EXT1: variants seen among roughly 807,000 people sequenced by gnomAD.
EXT1 encodes exostosin-1.
In EXT1, 20 loss-of-function variants were observed where a neutral mutation model predicts 82.5. That is an observed-to-expected ratio of 0.24 (90% CI 0.17 to 0.35). The LOEUF (loss-of-function observed/expected upper bound fraction) is 0.35, where lower values mean the gene tolerates loss of function less well. Among genes scored for constraint, EXT1 ranks in the 10% least tolerant of loss-of-function variants. The pLI, the probability that EXT1 is intolerant of heterozygous loss-of-function variation, is 1.00. For missense variants in EXT1, 757 were observed against 936.5 expected, an observed-to-expected ratio of 0.81 and a Z score of 2.50; for synonymous variants, 348 against 350.8, an observed-to-expected ratio of 0.99 and a Z score of 0.09.
At chr8:117,850,923 C>G (rs1480034432) in intron 1 of EXT1, among the ~76,000 whole-genome samples, 1 of 152,030 alleles carries the variant, frequency 6.6e-6, no homozygotes, top group Non-Finnish European at 1.5e-5. Flanking sequence ...ACCAAATGGT[C>G]ATATATCCAA....
chr8:118,001,185 T>C (rs1401234898), intron 1 of EXT1, among the ~76,000 whole-genome samples: 3 of 152,040 alleles, frequency 2.0e-5, no homozygotes, highest in Non-Finnish European at 4.4e-5. Flanking sequence ...ACCCTGTCAT[T>C]TTTTGTTTGT....
intron 1 of EXT1, among the ~76,000 whole-genome samples, chr8:117,962,257 G>A (rs1258901621): frequency 1.3e-5 from 2 of 152,128 alleles, no homozygotes; most frequent in African/African-American, 2.4e-5. Flanking sequence ...ATGAATCTAT[G>A]CTATGAAAAG....
chr8:117,936,867 T>G lies in EXT1; in HGVS notation c.963-99666A>C, dbSNP rs1432428471. On this transcript the variant is annotated intron_variant, in intron 1 of 10. Transcript: ENST00000378204. Reference sequence around the variant, plus strand: ...TCCAGCCTGGGCAACAGAGTGAGACTCCATCTCAAAAAATAAATAAATAAA... The same window carrying G: ...TCCAGCCTGGGCAACAGAGTGAGACGCCATCTCAAAAAATAAATAAATAAA... Among the ~76,000 whole-genome samples, 4 of 152,188 alleles carry G rather than the reference T, an allele frequency of 2.6e-5. No individual in the cohort carries two copies. In the East Asian group the frequency reaches 7.7e-4, roughly 29 times the overall value.
chr8:118,102,507 G>A (rs1315323523), intron 1 of EXT1, among the ~76,000 whole-genome samples: 2 of 152,180 alleles, frequency 1.3e-5, no homozygotes. Flanking sequence ...TAAGGTGAAT[G>A]GGTAGGAGTT....
At chr8:117,837,564 C>T (rs1812207526) in intron 1 of EXT1, among the ~76,000 whole-genome samples, 1 of 151,992 alleles carries the variant, frequency 6.6e-6, no homozygotes, top group Non-Finnish European at 1.5e-5. Context: ...ATTACTGGTG[C>T]TTCTCCTTCT....
At chr8:117,889,532 G>A (rs1022223155) in intron 1 of EXT1, among the ~76,000 whole-genome samples, 1 of 152,122 alleles carries the variant, frequency 6.6e-6, no homozygotes, top group African/African-American at 2.4e-5. Flanking sequence ...ACAGAGCCTG[G>A]ATCAGGGGAG....
intron 1 of EXT1, among the ~76,000 whole-genome samples, chr8:118,057,106 TA>T (rs1241869853): frequency 6.6e-6 from 1 of 152,190 alleles, no homozygotes; most frequent in Non-Finnish European, 1.5e-5. Context: ...CTGCCCTCTC[TA>T]AAAAGCCTTT....
chr8:117,960,717 C>A (rs752621045), intron 1 of EXT1, among the ~76,000 whole-genome samples: 4 of 152,154 alleles, frequency 2.6e-5, no homozygotes, highest in African/African-American at 4.8e-5. Flanking sequence ...AGGTGGCCAT[C>A]TTGAGGAAGT....
chr8:117,931,057 C>G (rs1814052048), intron 1 of EXT1, among the ~76,000 whole-genome samples: 1 of 152,218 alleles, frequency 6.6e-6, no homozygotes, highest in African/African-American at 2.4e-5. Flanking sequence ...AGGAATTGCC[C>G]ACCCATTTCC....
intron 1 of EXT1, among the ~76,000 whole-genome samples, chr8:117,950,516 T>C (rs1814472511): frequency 6.6e-6 from 1 of 152,200 alleles, no homozygotes; most frequent in African/African-American, 2.4e-5. Flanking sequence ...TGTAAACTCC[T>C]GCCACAATGA....
In EXT1 at chr8:117,822,514, T is replaced by C. The variant is rs542485285; in HGVS notation, c.1368A>G (p.Pro456=). The C allele has an allele frequency of 9.3e-6, 15 of 1,613,496 alleles. No homozygotes were observed. The East Asian group carries it at 2.2e-4, about 24-fold the overall frequency. The part of the protein sequence containing the change: ...NKHPGGLFVL[P]QYSSYLGDFP... ...AATCTCCCAGATAAGATGAATACTGTGGTAGTACGAACAATCCTCCAGGAT... is the reference window on the plus strand; with the variant it reads ...AATCTCCCAGATAAGATGAATACTGCGGTAGTACGAACAATCCTCCAGGAT... The change falls in exon 5 of 11, where the codon CCA becomes CCG. Residue 456 remains proline, a synonymous_variant. Coordinates refer to ENST00000378204, the MANE Select transcript of EXT1 (RefSeq NM_000127.3).
intron 1 of EXT1, among the ~76,000 whole-genome samples, chr8:118,109,425 A>AAATG (rs1160234623): frequency 1.1e-4 from 13 of 119,226 alleles, no homozygotes; most frequent in Middle Eastern, 4.9e-3. Context: ...ATGAATTAAT[A>AAATG]AATGAATGAA....
chr8:117,885,993 C>T (rs1240276671), intron 1 of EXT1, among the ~76,000 whole-genome samples: 1 of 152,154 alleles, frequency 6.6e-6, no homozygotes, highest in East Asian at 1.9e-4. Flanking sequence ...GTTTCAAATA[C>T]CAGTTAAAAG....
chr8:118,050,156 G>A (rs1032357588), intron 1 of EXT1, among the ~76,000 whole-genome samples: 5 of 152,120 alleles, frequency 3.3e-5, no homozygotes, highest in South Asian at 2.1e-4. Flanking sequence ...TTGTCTCTCC[G>A]GCTATTGTCA....
intron 1 of EXT1, among the ~76,000 whole-genome samples, chr8:117,896,498 G>GT (rs1445661498): frequency 6.6e-6 from 1 of 152,112 alleles, no homozygotes; most frequent in Non-Finnish European, 1.5e-5. Context: ...CTTTTAAAAG[G>GT]TATCAGGGAA....
At chr8:118,053,263 T>A (rs938793614) in intron 1 of EXT1, among the ~76,000 whole-genome samples, 1 of 152,134 alleles carries the variant, frequency 6.6e-6, no homozygotes, top group Non-Finnish European at 1.5e-5. Context: ...TGGTCTGTGG[T>A]GGTCGTTCAG....
intron 1 of EXT1, among the ~76,000 whole-genome samples, chr8:117,957,450 G>A (rs546396268): frequency 5.3e-5 from 8 of 152,248 alleles, no homozygotes; most frequent in South Asian, 2.1e-4. Context: ...CTGGCCTCTC[G>A]GCCCGGAATA....
At chr8:117,929,760 G>A (rs909343246) in intron 1 of EXT1, among the ~76,000 whole-genome samples, 7 of 152,148 alleles carry the variant, frequency 4.6e-5, no homozygotes, top group African/African-American at 1.7e-4. Flanking sequence ...ATATCTATCC[G>A]TATATGGGTA....
chr8:117,795,496 T>TTTA lies in EXT1; in HGVS notation c.*4215_*4216insTAA, dbSNP rs1823076521. The TTTA allele has an allele frequency of 1.4e-5, 2 of 146,524 alleles. No individual in the cohort carries two copies. Among genetic ancestry groups the TTTA allele is most frequent in the African/African-American group, 2.5e-5 (1 of 39,560 alleles). The allele number at this position is 146,524 out of a possible 1,614,324, so 9.1% of individuals were successfully genotyped here. A position where few individuals can be genotyped will look rare whatever the true frequency, so the allele number is the denominator to read the frequency against. ...AATCCCCCAAGCTTTTTTTTTTTTT[T>TTTA]AAAGAAAAAAAAAAGGGGGGCCAGG... On this transcript the variant is annotated 3_prime_UTR_variant, in exon 11 of 11. Coordinates refer to ENST00000378204, the MANE Select transcript of EXT1 (RefSeq NM_000127.3).
Sources: allele counts gnomAD v4.1 joint callset (sites outside exome capture counted in the v4.1 genomes callset), GRCh38; gene constraint gnomAD v4.1.1; transcripts MANE v1.5; gene names NCBI Gene and HGNC (gene_info 2026-07-23, HGNC 2026-07-21).